PTPRA: variants seen among roughly 807,000 people sequenced by gnomAD.
PTPRA encodes receptor-type tyrosine-protein phosphatase alpha.
Under a neutral mutation model 104.8 loss-of-function variants are expected in PTPRA, and 25 were observed. The ratio of observed to expected loss-of-function variants is 0.24; its 90% CI spans 0.17 to 0.33. The LOEUF (loss-of-function observed/expected upper bound fraction) is 0.33, where lower values mean the gene tolerates loss of function less well. Ranked by LOEUF, PTPRA falls within the 10% of genes least tolerant of loss-of-function variation. The pLI is 1.00. For missense variants in PTPRA, 765 were observed against 1,015.3 expected, an observed-to-expected ratio of 0.75 and a Z score of 3.35; for synonymous variants, 323 against 368.9, an observed-to-expected ratio of 0.88 and a Z score of 1.43.
chr20:2,942,900 T>A lies in PTPRA; in HGVS notation c.-49-5082T>A, dbSNP rs532018532. Among the ~76,000 whole-genome samples, 4 of 152,146 alleles carry A rather than the reference T, an allele frequency of 2.6e-5. No individual in the cohort carries two copies. In the East Asian group the frequency reaches 7.7e-4, roughly 29 times the overall value. ...AGATATATATTTTCCTATACATACA[T>A]AGCTGTGATAAAGTTTAATTTATAA... On this transcript the variant is annotated intron_variant, in intron 2 of 23. Transcript: ENST00000399903.
chr20:2,948,138 G>T (rs2061207238), intron 3 of PTPRA, 114 bp downstream of exon 3: 3 of 443,670 alleles, frequency 6.8e-6, no homozygotes, highest in African/African-American at 2.1e-5. Flanking sequence ...TGGGGTGGGG[G>T]TGCATAGTAA....
rs1197219367 is a variant in PTPRA at position 3,037,155 on chromosome 20, G to A, written c.2200G>A (p.Ala734Thr). The change falls in exon 23 of 24, where the codon GCC (alanine) becomes ACC (threonine). Residue 734 changes from alanine to threonine, a missense_variant and splice_region_variant. By Grantham distance (58) the Ala-to-Thr change is moderately conservative (BLOSUM62 0). Around this residue, in one of 4 missense-constraint regions of PTPRA, gnomAD observed 72 missense variants for 140.7 expected, o/e 0.51. Transcript: ENST00000399903. The surrounding 1 kb of genome is among the most constrained non-coding windows in gnomAD (Gnocchi z 4.3). ...GTAAATGTGTCTGCTCTGTTGCAGC[G>A]CCGGGGCAGGAAGGACGGGGACCTT... Reference protein sequence around the residue: ...GNHPITVHCSAGAGRTGTFCA... With the variant: ...GNHPITVHCSTGAGRTGTFCA... 7.4e-6 allele frequency: 12 copies of A among 1,613,906 alleles called. No individual in the cohort carries two copies. Among genetic ancestry groups the A allele is most frequent in the Admixed American group, 3.3e-5 (2 of 59,996 alleles).
chr20:2,889,329 A>G (rs648919), intron 1 of PTPRA, among the ~76,000 whole-genome samples: 16,901 of 152,194 alleles, frequency 0.11, 1,133 homozygotes, highest in African/African-American at 0.16. Context: ...TTAGTGAATT[A>G]AATTTCCTTA....
At chr20:3,029,564 G>T (rs1252478353) in intron 20 of PTPRA, among the ~76,000 whole-genome samples, 3 of 22,154 alleles carry the variant, frequency 1.4e-4, no homozygotes, top group African/African-American at 6.5e-4. Flanking sequence ...TTTTTGAGAC[G>T]GAGTCTCTGT....
chr20:2,899,283 G>A (rs1477886883), intron 1 of PTPRA, among the ~76,000 whole-genome samples: 1 of 152,092 alleles, frequency 6.6e-6, no homozygotes, highest in Non-Finnish European at 1.5e-5. Flanking sequence ...AAAATATACT[G>A]GAATTTAATT....
intron 11 of PTPRA, among the ~76,000 whole-genome samples, chr20:3,012,788 C>T (rs993518000): frequency 1.3e-5 from 2 of 152,128 alleles, no homozygotes; most frequent in Non-Finnish European, 2.9e-5. Context: ...TTATCAAACC[C>T]TTTTTTTCCC....
chr20:2,865,587 A>G, the PTPRA span: 62 of 1,197,510 alleles, frequency 5.2e-5, no homozygotes, highest in Non-Finnish European at 7.1e-5. The surrounding 1 kb of genome is among the most constrained non-coding windows in gnomAD (Gnocchi z 5.2). Context: ...TGGCCCGTTC[A>G]TGCTCCTGTT....
chr20:2,868,310 CTTT>C, the PTPRA span, among the ~76,000 whole-genome samples: 4 of 104,150 alleles, frequency 3.8e-5, no homozygotes, highest in Admixed American at 1.2e-4. Context: ...GACTCCACCT[CTTT>C]TTTTTTTTTT....
chr20:2,996,172 A>G (rs117962963), intron 9 of PTPRA, among the ~76,000 whole-genome samples: 2,343 of 152,312 alleles, frequency 0.015, 22 homozygotes, highest in Non-Finnish European at 0.025. Context: ...AAACAGAACT[A>G]TTGATTTGGG....
At chr20:2,964,399 C>A in intron 4 of PTPRA, 49 bp downstream of exon 4, 1 of 1,449,280 alleles carries the variant, frequency 6.9e-7, no homozygotes, top group Non-Finnish European at 9.4e-7. Context: ...ATTTTGCTTT[C>A]ACATTTAATG....
At chr20:2,871,361 C>T (rs2089425061), upstream of PTPRA, among the ~76,000 whole-genome samples, 1 of 152,118 alleles carries the variant, frequency 6.6e-6, no homozygotes, top group Non-Finnish European at 1.5e-5. Flanking sequence ...CTTTGACTAC[C>T]ACGCCCAACA....
intron 6 of PTPRA, among the ~76,000 whole-genome samples, chr20:2,978,996 G>A (rs1229862436): frequency 6.6e-6 from 1 of 152,152 alleles, no homozygotes; most frequent in Admixed American, 6.5e-5. Flanking sequence ...CAGACACTTT[G>A]CAAATGTTAC....
At position 2,918,199 on chromosome 20, in the gene PTPRA, C is replaced by CT. The variant is rs199560161; in HGVS notation, c.-128-5000dup. 4.9e-3 allele frequency among the ~76,000 whole-genome samples: 744 copies of CT among 151,250 alleles called. 5 individuals are homozygous for CT. Among genetic ancestry groups the CT allele is most frequent in the African/African-American group, 0.017 (713 of 41,238 alleles). On this transcript the variant is annotated intron_variant, in intron 1 of 23. Coordinates refer to ENST00000399903, the MANE Select transcript of PTPRA (RefSeq NM_001385305.1). ...ACTTTGTACGTATTCTCTTTTCCTT[C>CT]TTTTTTTTAAAACGAGACAGGGTGA...
chr20:2,997,941 T>C (rs920481027), intron 9 of PTPRA, among the ~76,000 whole-genome samples: 2 of 152,184 alleles, frequency 1.3e-5, no homozygotes, highest in East Asian at 1.9e-4. Context: ...GCCTAGGCAA[T>C]GTAGCAAGAC....
chr20:2,987,562 C>A (rs2062959896), intron 7 of PTPRA, among the ~76,000 whole-genome samples: 1 of 152,180 alleles, frequency 6.6e-6, no homozygotes, highest in Non-Finnish European at 1.5e-5. Flanking sequence ...GAATCATGTG[C>A]CCCCTATAAT....
At chr20:3,018,763 GCC>G in intron 13 of PTPRA, among the ~76,000 whole-genome samples, 1 of 145,278 alleles carries the variant, frequency 6.9e-6, no homozygotes, top group African/African-American at 2.7e-5. Flanking sequence ...CGGGGTGGTG[GCC>G]GGGCAGAGGG....
intron 10 of PTPRA, among the ~76,000 whole-genome samples, chr20:3,005,528 G>A (rs1026233462): frequency 3.9e-5 from 6 of 152,234 alleles, no homozygotes; most frequent in African/African-American, 1.4e-4. Flanking sequence ...TCTAGCCTGG[G>A]TGACAGGGCA....
intron 3 of PTPRA, among the ~76,000 whole-genome samples, chr20:2,961,838 C>T (rs2061765815): frequency 2.0e-5 from 3 of 151,992 alleles, no homozygotes; most frequent in Admixed American, 1.3e-4. Context: ...TGTAGCTGTC[C>T]CTTTCCAGTA....
intron 1 of PTPRA, among the ~76,000 whole-genome samples, chr20:2,877,559 A>G (rs1040749713): frequency 2.6e-5 from 4 of 152,172 alleles, no homozygotes; most frequent in Admixed American, 6.5e-5. Context: ...GTGCCCGGTG[A>G]AGAAATGGTT....
Sources: gnomAD v4.1 joint callset for allele counts (sites outside exome capture counted in the v4.1 genomes callset) on GRCh38, gnomAD v4.1.1 for gene constraint, gnomAD v4.1.1 regional missense constraint, Gnocchi (gnomAD v3.1) non-coding constraint, MANE v1.5 for transcripts, NCBI Gene and HGNC (gene_info 2026-07-23, HGNC 2026-07-21) for gene names.